Variants in FAM177A1 observed in about 807,000 individuals in gnomAD.
FAM177A1 encodes the protein protein FAM177A1.
Under a neutral mutation model 26.1 loss-of-function variants are expected in FAM177A1, and 22 were observed. The ratio of observed to expected loss-of-function variants is 0.84; its 90% CI spans 0.60 to 1.20. The LOEUF (loss-of-function observed/expected upper bound fraction) is 1.20. FAM177A1 is among the 50% of genes most tolerant of loss of function. FAM177A1 has a pLI of 0.00. For missense variants in FAM177A1, 296 were observed against 291.1 expected (o/e 1.02, Z -0.12); for synonymous variants, 95 against 99.3 (o/e 0.96, Z 0.26).
At chr14:35,047,776 CAACAACA>C (rs140535230) in intron 1 of FAM177A1, among the ~76,000 whole-genome samples, 26,340 of 114,738 alleles carry the variant, frequency 0.23, 2,431 homozygotes, top group East Asian at 0.4. Context: ...ACAACAACAA[CAACAACA>C]AAAAAAAAAC....
chr14:35,060,896 C>G (rs1163275743), intron 2 of FAM177A1, among the ~76,000 whole-genome samples: 2 of 152,134 alleles, frequency 1.3e-5, no homozygotes, highest in African/African-American at 2.4e-5. Flanking sequence ...CTCATACTGT[C>G]ACACTTGGTA....
intron 1 of FAM177A1, among the ~76,000 whole-genome samples, chr14:35,051,522 C>T (rs1192828386): frequency 6.6e-6 from 1 of 152,222 alleles, no homozygotes; most frequent in East Asian, 1.9e-4. Flanking sequence ...AAGTGATTCT[C>T]ATGCCTCAGC....
At chr14:35,070,356 G>T (rs928779845) in intron 2 of FAM177A1, among the ~76,000 whole-genome samples, 1 of 151,054 alleles carries the variant, frequency 6.6e-6, no homozygotes, top group African/African-American at 2.4e-5. Context: ...TTGCGTCGGA[G>T]TCTCGCTCTG....
intron 2 of FAM177A1, among the ~76,000 whole-genome samples, chr14:35,057,439 G>A (rs1269165968): frequency 6.6e-6 from 1 of 151,980 alleles, no homozygotes; most frequent in African/African-American, 2.4e-5. Context: ...CTGGAGAGTG[G>A]CATGATCTTG....
chr14:35,065,351 T>C (rs1465023033), intron 2 of FAM177A1, among the ~76,000 whole-genome samples: 2 of 147,044 alleles, frequency 1.4e-5, no homozygotes, highest in South Asian at 2.1e-4. Context: ...GATTTTTCCA[T>C]TGAATCTTTT....
chr14:35,045,036 G>T (rs936457066), upstream of FAM177A1: 1 of 152,318 alleles, frequency 6.6e-6, no homozygotes, highest in South Asian at 2.1e-4. Flanking sequence ...AAGAGATTTT[G>T]AATACATATA....
chr14:35,047,134 C>A, intron 1 of FAM177A1: 1 of 407,556 alleles, frequency 2.5e-6, no homozygotes, highest in Non-Finnish European at 3.3e-6. Flanking sequence ...CTCCGAGCTG[C>A]GCTGTCCAAC....
intron 2 of FAM177A1, among the ~76,000 whole-genome samples, chr14:35,071,241 CCCT>C (rs990000178): frequency 2.7e-4 from 41 of 152,180 alleles, no homozygotes; most frequent in African/African-American, 7.5e-4. Context: ...TCGTGATCCA[CCCT>C]CCTCGGCCTC....
rs970416892 is a variant in FAM177A1, at chr14:35,081,112, A to G, written c.595A>G (p.Thr199Ala). Residue 199 changes from threonine (T) to alanine (A), a missense_variant, in exon 5 of 5, where the codon ACA becomes GCA. Coordinates refer to ENST00000280987, the MANE Select transcript of FAM177A1 (RefSeq NM_173607.5). ...ATTGCAGACTGATTCCATTGTTCAG[A>G]CAGATCAACCAGAGACAGTGATATC... ...NKLQTDSIVQ[T>A]DQPETVISSS... The G allele has an allele frequency of 5.0e-6, 8 of 1,613,854 alleles. No individual in the cohort carries two copies. Among genetic ancestry groups the G allele is most frequent in the Non-Finnish European group, 5.9e-6 (7 of 1,179,914 alleles).
Position 35,081,865 on chromosome 14 carries a change from C to G in FAM177A1, c.*637C>G, listed in dbSNP as rs1036512721. 1 of 152,140 alleles carries G rather than the reference C, an allele frequency of 6.6e-6. No homozygotes were observed. Among genetic ancestry groups the G allele is most frequent in the African/African-American group, 2.4e-5 (1 of 41,418 alleles). 9.4% of individuals were successfully genotyped at this position (152,140 alleles called of 1,614,324 possible). On this transcript the variant is annotated 3_prime_UTR_variant, in exon 5 of 5. Transcript: ENST00000280987. ...GTATTCTTTTTCAGGACTCAAATAA[C>G]TAGCTTTGAACATAATATTAAAACA...
At position 35,081,133 on chromosome 14, in the gene FAM177A1, A is replaced by G; in HGVS notation, c.616A>G (p.Ile206Val). Residue 206 changes from isoleucine (I) to valine (V), a missense_variant, in exon 5 of 5, where the codon ATA becomes GTA. By Grantham distance (29) the Ile-to-Val change is conservative. Transcript: ENST00000280987. ...TCAGACAGATCAACCAGAGACAGTG[A>G]TATCCAGCTCATTTGTGAATGTCAA... is the stretch of plus-strand genomic sequence containing the variant. Reference protein sequence around the residue: ...IVQTDQPETVISSSFVNVNFE... With the variant: ...IVQTDQPETVVSSSFVNVNFE... 1 of 1,613,786 alleles carries G rather than the reference A, an allele frequency of 6.2e-7. No individual in the cohort carries two copies. Among genetic ancestry groups the G allele is most frequent in the African/African-American group, 1.3e-5 (1 of 75,018 alleles).
chr14:35,063,055 C>T (rs183624905), intron 2 of FAM177A1, among the ~76,000 whole-genome samples: 1,628 of 140,874 alleles, frequency 0.012, 36 homozygotes, highest in African/African-American at 0.041. Context: ...CTGAGGTAGG[C>T]GGATGAATGG....
intron 2 of FAM177A1, among the ~76,000 whole-genome samples, chr14:35,073,333 G>A (rs1413062026): frequency 6.6e-6 from 1 of 152,226 alleles, no homozygotes; most frequent in Non-Finnish European, 1.5e-5. Flanking sequence ...GCCTCCTGAA[G>A]TACTGGGATT....
chr14:35,071,591 C>T (rs1566673867), intron 2 of FAM177A1, among the ~76,000 whole-genome samples: 1 of 151,766 alleles, frequency 6.6e-6, no homozygotes, highest in African/African-American at 2.4e-5. Context: ...ACAAAGGGCC[C>T]TATATATTCA....
At chr14:35,050,003 C>T (rs1255751371) in intron 1 of FAM177A1, 1 of 151,936 alleles carries the variant, frequency 6.6e-6, no homozygotes, top group Admixed American at 6.6e-5. Context: ...GGAAAATTCA[C>T]AGTGTAACTT....
chr14:35,057,032 TG>T (rs749484827), intron 2 of FAM177A1, among the ~76,000 whole-genome samples: 10 of 152,184 alleles, frequency 6.6e-5, no homozygotes, highest in Non-Finnish European at 1.2e-4. Flanking sequence ...TTTTCTTTGT[TG>T]TTTTTCTGTT....
At chr14:35,077,300 C>A in intron 3 of FAM177A1, 84 bp downstream of exon 3, 1 of 1,247,798 alleles carries the variant, frequency 8.0e-7, no homozygotes, top group Non-Finnish European at 1.2e-6. Context: ...TGTTTCCAAA[C>A]TGAAGGAGAA....
At chr14:35,061,462 A>AT (rs35073054) in intron 2 of FAM177A1, among the ~76,000 whole-genome samples, 22,569 of 111,292 alleles carry the variant, frequency 0.2, 2,040 homozygotes, top group East Asian at 0.41. Context: ...AGCTTTAAGT[A>AT]TTTTTTTTTT....
chr14:35,065,694 C>G (rs1272393091), intron 2 of FAM177A1, among the ~76,000 whole-genome samples: 2 of 105,114 alleles, frequency 1.9e-5, no homozygotes, highest in African/African-American at 3.7e-5. Flanking sequence ...GTATAAGAAG[C>G]AATTTTTTTT....
Sources: allele counts gnomAD v4.1 joint callset (sites outside exome capture counted in the v4.1 genomes callset), GRCh38; gene constraint gnomAD v4.1.1; transcripts MANE v1.5; gene names NCBI Gene and HGNC (gene_info 2026-07-23, HGNC 2026-07-21).